PTPN12: variants seen among roughly 807,000 people sequenced by gnomAD.
PTPN12 encodes the protein tyrosine-protein phosphatase non-receptor type 12.
In PTPN12, 29 loss-of-function variants were observed where a neutral mutation model predicts 97.6. The ratio of observed to expected loss-of-function variants is 0.30; its 90% CI spans 0.22 to 0.41. PTPN12 has a LOEUF of 0.41. PTPN12 is among the 10% of genes least tolerant of loss of function. PTPN12 has a pLI of 1.00. For missense variants in PTPN12, 819 were observed against 926.0 expected, an observed-to-expected ratio of 0.88 and a Z score of 1.50; for synonymous variants, 327 against 300.4, an observed-to-expected ratio of 1.09 and a Z score of -0.91.
chr7:77,629,758 A>T (rs532883818), intron 13 of PTPN12, among the ~76,000 whole-genome samples: 35 of 152,174 alleles, frequency 2.3e-4, no homozygotes, highest in Non-Finnish European at 4.7e-4. Flanking sequence ...TCTGGGTGAC[A>T]TAGTGACACC....
At chr7:77,568,307 C>T (rs1334611137) in intron 1 of PTPN12, among the ~76,000 whole-genome samples, 1 of 152,124 alleles carries the variant, frequency 6.6e-6, no homozygotes, top group African/African-American at 2.4e-5. Context: ...TTGCACATTT[C>T]TCAATAATGT....
chr7:77,551,545 A>G (rs1289797962), intron 1 of PTPN12, among the ~76,000 whole-genome samples: 2 of 152,238 alleles, frequency 1.3e-5, no homozygotes, highest in Non-Finnish European at 2.9e-5. Context: ...GCAAGTGACA[A>G]GATGAATTTT....
chr7:77,580,828 A>G (rs947185432), intron 2 of PTPN12, among the ~76,000 whole-genome samples: 3 of 152,160 alleles, frequency 2.0e-5, no homozygotes, highest in Non-Finnish European at 4.4e-5. Context: ...TACATTTTTT[A>G]AATAAGAATT....
At chr7:77,538,294 T>G (rs756754752) in intron 1 of PTPN12, among the ~76,000 whole-genome samples, 3 of 151,916 alleles carry the variant, frequency 2.0e-5, no homozygotes, top group Non-Finnish European at 4.4e-5. Flanking sequence ...GAGGCCCAGG[T>G]TTGAGGTGGT....
chr7:77,565,509 T>G (rs1808222244), intron 1 of PTPN12, among the ~76,000 whole-genome samples: 1 of 152,234 alleles, frequency 6.6e-6, no homozygotes, highest in East Asian at 1.9e-4. Flanking sequence ...TGGGCATGTT[T>G]GTGATGCCCA....
intron 6 of PTPN12, among the ~76,000 whole-genome samples, chr7:77,594,719 A>G: frequency 6.6e-6 from 1 of 152,076 alleles, no homozygotes; most frequent in Non-Finnish European, 1.5e-5. Context: ...GCCCAGGCTG[A>G]TTTTAAACTC....
At chr7:77,613,619 C>T (rs60850449) in intron 11 of PTPN12, among the ~76,000 whole-genome samples, 3 of 151,914 alleles carry the variant, frequency 2.0e-5, no homozygotes, top group Admixed American at 1.3e-4. Flanking sequence ...TTTGGGAGGC[C>T]GAAGCAGGCA....
intron 12 of PTPN12, among the ~76,000 whole-genome samples, chr7:77,620,333 G>A (rs953490366): frequency 5.3e-5 from 8 of 152,058 alleles, no homozygotes; most frequent in African/African-American, 1.9e-4. Flanking sequence ...AAAGAAAAAA[G>A]CAAATGCATA....
chr7:77,557,702 A>G (rs1055299740), intron 1 of PTPN12, among the ~76,000 whole-genome samples: 2 of 152,216 alleles, frequency 1.3e-5, no homozygotes, highest in Non-Finnish European at 1.5e-5. Context: ...GATTTTTAAG[A>G]TGAGCTTCTA....
rs377656444 is a variant in PTPN12 at position 77,594,270 on chromosome 7, C to T, written c.492+2014C>T. Among the ~76,000 whole-genome samples the T allele has an allele frequency of 1.1e-3, 162 of 152,060 alleles. 1 individual carries two copies. Among genetic ancestry groups the T allele is most frequent in the African/African-American group, 3.8e-3 (157 of 41,490 alleles). On this transcript the variant is annotated intron_variant, in intron 6 of 17. Coordinates refer to ENST00000248594, the MANE Select transcript of PTPN12 (RefSeq NM_002835.4). ...TGAGCCCAGGAGTTTGAGACAAGCC[C>T]GGGCAAAATAGTGAGACATTATTAA...
chr7:77,557,461 C>T (rs1807774779), intron 1 of PTPN12, among the ~76,000 whole-genome samples: 2 of 152,162 alleles, frequency 1.3e-5, no homozygotes, highest in South Asian at 4.1e-4. Context: ...TCTTACAGAT[C>T]TAAGAAAAGT....
chr7:77,613,358 A>G (rs1788639730), intron 11 of PTPN12, among the ~76,000 whole-genome samples: 1 of 149,414 alleles, frequency 6.7e-6, no homozygotes, highest in Non-Finnish European at 1.5e-5. Context: ...TATTTTTAGT[A>G]GAGACAGGGT....
At chr7:77,560,995 A>G (rs944390123) in intron 1 of PTPN12, among the ~76,000 whole-genome samples, 1 of 152,222 alleles carries the variant, frequency 6.6e-6, no homozygotes, top group Admixed American at 6.5e-5. Flanking sequence ...TAGTAACTGT[A>G]TCATTTTACA....
At chr7:77,625,474 T>TCGCGCC (rs761174867) in intron 12 of PTPN12, among the ~76,000 whole-genome samples, 2 of 29,164 alleles carry the variant, frequency 6.9e-5, no homozygotes, top group African/African-American at 3.2e-4. Context: ...GGCTGCTCGC[T>TCGCGCC]CTCTCTCTCT....
In PTPN12 at chr7:77,625,468, G is replaced by GCGCTCTCTCTCTCTCT. The variant is rs1218191468; in HGVS notation, c.1026-1236_1026-1235insGCTCTCTCTCTCTCTC. ...AGGGTTTTGCCATATTGCCCAGGCTGCTCGCTCTCTCTCTCTCTCTCTCTC... is the reference window on the plus strand; with the variant it reads ...AGGGTTTTGCCATATTGCCCAGGCTGCGCTCTCTCTCTCTCTCTCGCTCTCTCTCTCTCTCTCTCTC... On this transcript the variant is annotated intron_variant, in intron 12 of 17. Coordinates refer to ENST00000248594, the MANE Select transcript of PTPN12 (RefSeq NM_002835.4). Among the ~76,000 whole-genome samples the GCGCTCTCTCTCTCTCT allele has an allele frequency of 8.9e-4, 22 of 24,750 alleles. 1 individual carries two copies. Among genetic ancestry groups the GCGCTCTCTCTCTCTCT allele is most frequent in the Non-Finnish European group, 1.2e-3 (19 of 15,574 alleles). 16.2% of individuals were successfully genotyped at this position (24,750 alleles called of 152,430 possible).
intron 1 of PTPN12, 43 bp from the exon 2 acceptor site, chr7:77,571,035 C>A: frequency 7.6e-7 from 1 of 1,319,788 alleles, no homozygotes; most frequent in Non-Finnish European, 1.0e-6. Flanking sequence ...TTGAAAATAT[C>A]ACTGTTTCTC....
In PTPN12 at chr7:77,582,196, G is replaced by A. The variant is rs143713247; in HGVS notation, c.285+693G>A. Reference sequence around the variant, plus strand: ...TGCAAGCTCTGCTTCCCGGGTTCACGCCATTCTCCTGCCTTGGTCTCGATC... The same window carrying A: ...TGCAAGCTCTGCTTCCCGGGTTCACACCATTCTCCTGCCTTGGTCTCGATC... On this transcript the variant is annotated intron_variant, in intron 3 of 17. Transcript: ENST00000248594. 4.2e-3 allele frequency among the ~76,000 whole-genome samples: 564 copies of A among 134,790 alleles called. 2 individuals carry two copies. The highest frequency in any genetic ancestry group is 0.015 in the African/African-American group (543 of 36,112). 88.4% of individuals were successfully genotyped at this position (134,790 alleles called of 152,430 possible).
At chr7:77,625,098 G>T (rs1670664063) in intron 12 of PTPN12, among the ~76,000 whole-genome samples, 1 of 152,084 alleles carries the variant, frequency 6.6e-6, no homozygotes, top group East Asian at 1.9e-4. Context: ...TGGTGCCACT[G>T]CACTCCAGCC....
chr7:77,544,488 G>C (rs950252985), intron 1 of PTPN12, among the ~76,000 whole-genome samples: 1 of 152,136 alleles, frequency 6.6e-6, no homozygotes, highest in African/African-American at 2.4e-5. Flanking sequence ...TTTACTTTAA[G>C]CATTCTCAAG....
Sources: allele counts gnomAD v4.1 joint callset (sites outside exome capture counted in the v4.1 genomes callset), GRCh38; gene constraint gnomAD v4.1.1; transcripts MANE v1.5; gene names NCBI Gene and HGNC (gene_info 2026-07-23, HGNC 2026-07-21).